Variants in ADGRL2 observed in about 807,000 individuals in gnomAD.
The protein encoded by ADGRL2 is adhesion G protein-coupled receptor L2.
ADGRL2 carries 44 observed loss-of-function variants against 157.4 expected under a neutral mutation model. That is an observed-to-expected ratio of 0.28 (90% CI 0.22 to 0.36). The LOEUF (loss-of-function observed/expected upper bound fraction) is 0.36, where lower values mean the gene tolerates loss of function less well. ADGRL2 is among the 10% of genes least tolerant of loss of function. The pLI is 1.00. For missense variants in ADGRL2, 1,510 were observed against 1,768.9 expected, an observed-to-expected ratio of 0.85 and a Z score of 2.63; for synonymous variants, 585 against 624.7, an observed-to-expected ratio of 0.94 and a Z score of 0.95.
intron 2 of ADGRL2, among the ~76,000 whole-genome samples, chr1:81,448,137 C>T (rs372817237): frequency 6.0e-5 from 5 of 83,526 alleles, no homozygotes; most frequent in Non-Finnish European, 6.3e-5. Context: ...TTCTTTCTTT[C>T]TTTTTTTTTT....
intron 1 of ADGRL2, among the ~76,000 whole-genome samples, chr1:81,367,076 A>G (rs958342020): frequency 3.7e-4 from 56 of 152,308 alleles, no homozygotes; most frequent in Non-Finnish European, 6.2e-4. Context: ...GATATTTTAC[A>G]GTCACACAAA....
At chr1:81,493,700 T>C (rs1303001619) in intron 2 of ADGRL2, among the ~76,000 whole-genome samples, 1 of 151,980 alleles carries the variant, frequency 6.6e-6, no homozygotes, top group African/African-American at 2.4e-5. Flanking sequence ...CAAACAGAAA[T>C]CAGAACACAA....
At chr1:81,347,952 G>T (rs1466159319) in intron 1 of ADGRL2, among the ~76,000 whole-genome samples, 6 of 152,168 alleles carry the variant, frequency 3.9e-5, no homozygotes, top group African/African-American at 1.4e-4. Flanking sequence ...GCATTTCCCA[G>T]AAAAGGGAAG....
intron 4 of ADGRL2, among the ~76,000 whole-genome samples, chr1:81,941,267 CCTAA>C (rs1156688834): frequency 6.6e-6 from 1 of 150,982 alleles, no homozygotes; most frequent in Non-Finnish European, 1.5e-5. Context: ...TATATGTAAA[CCTAA>C]CTAAGTAAAT....
chr1:81,418,236 A>G (rs1570912999), intron 1 of ADGRL2, among the ~76,000 whole-genome samples: 3 of 152,334 alleles, frequency 2.0e-5, no homozygotes, highest in Admixed American at 2.0e-4. Context: ...TTAAAAGGCT[A>G]AAAAAATCGC....
At chr1:81,956,618 C>T (rs1002535507) in intron 11 of ADGRL2, among the ~76,000 whole-genome samples, 1 of 152,046 alleles carries the variant, frequency 6.6e-6, no homozygotes, top group Non-Finnish European at 1.5e-5. Flanking sequence ...AATTCAAATG[C>T]TACCACTGAG....
At chr1:81,809,114 T>C (rs2089532591) in intron 1 of ADGRL2, among the ~76,000 whole-genome samples, 1 of 151,904 alleles carries the variant, frequency 6.6e-6, no homozygotes, top group South Asian at 2.1e-4. Context: ...CCCCTGTTGG[T>C]TTTGTCATTG....
intron 2 of ADGRL2, among the ~76,000 whole-genome samples, chr1:81,549,692 C>T (rs2080098371): frequency 6.6e-6 from 1 of 152,172 alleles, no homozygotes. Flanking sequence ...AACATGTAAA[C>T]AAGATCACGG....
In ADGRL2 at chr1:81,898,170, C is replaced by G. The variant is rs556407946; in HGVS notation, c.74-8847C>G. Among the ~76,000 whole-genome samples the G allele has an allele frequency of 5.3e-5, 8 of 152,274 alleles. No individual in the cohort carries two copies. In the South Asian group the frequency reaches 1.7e-3, roughly 32 times the overall value. ...AATGACACATAAAACTAAGGCATAT[C>G]ACTTATTTGGACTGAGTTGATGATT... On this transcript the variant is annotated intron_variant, in intron 2 of 23. Coordinates refer to ENST00000686636, the MANE Select transcript of ADGRL2 (RefSeq NM_001366006.2).
At chr1:81,424,228 G>A (rs1182967478) in intron 1 of ADGRL2, among the ~76,000 whole-genome samples, 2 of 152,206 alleles carry the variant, frequency 1.3e-5, no homozygotes, top group Admixed American at 6.5e-5. Flanking sequence ...ACTGCCATCT[G>A]TTGAGTGTTT....
intron 1 of ADGRL2, among the ~76,000 whole-genome samples, chr1:81,376,448 A>T (rs67715846): frequency 0.041 from 6,308 of 152,290 alleles, 182 homozygotes; most frequent in African/African-American, 0.075. Flanking sequence ...ACCCAAAGTA[A>T]TTCCACACAA....
At chr1:81,406,556 T>C (rs2076856818) in intron 1 of ADGRL2, among the ~76,000 whole-genome samples, 1 of 152,186 alleles carries the variant, frequency 6.6e-6, no homozygotes, top group Admixed American at 6.5e-5. Flanking sequence ...AACGCAGCCA[T>C]CCATCCAGCC....
At chr1:81,581,892 A>G (rs1345833578) in intron 3 of ADGRL2, among the ~76,000 whole-genome samples, 3 of 151,582 alleles carry the variant, frequency 2.0e-5, no homozygotes, top group African/African-American at 7.3e-5. Flanking sequence ...ACACACACAC[A>G]CACACACACA....
chr1:81,699,914 C>G (rs1222835874), intron 1 of ADGRL2: 1 of 152,294 alleles, frequency 6.6e-6, no homozygotes, highest in East Asian at 1.9e-4. Flanking sequence ...GGCAATCTTG[C>G]CAGTGTATTT....
chr1:81,514,751 A>C (rs2148116066), intron 2 of ADGRL2: 1 of 152,322 alleles, frequency 6.6e-6, no homozygotes, highest in East Asian at 1.9e-4. Context: ...AGTACCAAAA[A>C]CCCCAAAATA....
chr1:81,440,050 T>C (rs1031800941), intron 1 of ADGRL2, among the ~76,000 whole-genome samples: 1 of 152,054 alleles, frequency 6.6e-6, no homozygotes, highest in Non-Finnish European at 1.5e-5. Flanking sequence ...TTTGCCAGTA[T>C]GCAAAAAAGG....
intron 3 of ADGRL2, among the ~76,000 whole-genome samples, chr1:81,651,314 T>C (rs1028654910): frequency 2.0e-5 from 3 of 152,200 alleles, no homozygotes; most frequent in Non-Finnish European, 2.9e-5. Flanking sequence ...TAATAGCATT[T>C]AAGTATCAAA....
intron 2 of ADGRL2, among the ~76,000 whole-genome samples, chr1:81,477,962 C>T (rs1167966680): frequency 3.3e-5 from 5 of 151,988 alleles, no homozygotes; most frequent in East Asian, 1.9e-4. Flanking sequence ...AAAGTGTGAA[C>T]GGAACAAATG....
intron 3 of ADGRL2, among the ~76,000 whole-genome samples, chr1:81,611,964 A>G (rs941546629): frequency 1.3e-5 from 2 of 152,098 alleles, no homozygotes; most frequent in African/African-American, 4.8e-5. Context: ...GTCTGCTGCC[A>G]TATAAGATGT....
Sources: allele counts gnomAD v4.1 joint callset (sites outside exome capture counted in the v4.1 genomes callset), GRCh38; gene constraint gnomAD v4.1.1; transcripts MANE v1.5; gene names NCBI Gene and HGNC (gene_info 2026-07-23, HGNC 2026-07-21).